The following CWH43 variants were observed in gnomAD, a reference collection of about 807,000 sequenced individuals.
The protein encoded by CWH43 is cell wall biogenesis 43 C-terminal homolog.
A neutral mutation model predicts 85.7 loss-of-function variants in CWH43; 91 were observed. The ratio of observed to expected loss-of-function variants is 1.06; its 90% CI spans 0.90 to 1.26. CWH43 has a LOEUF of 1.26. Ranked by LOEUF, CWH43 falls within the 50% of genes most tolerant of loss-of-function variation. The probability of loss-of-function intolerance (pLI) is 0.00; values close to 1 mark genes in which losing one functional copy is unlikely to be tolerated. For missense variants in CWH43, 869 were observed against 839.2 expected, an observed-to-expected ratio of 1.04 and a Z score of -0.44; for synonymous variants, 323 against 293.6, an observed-to-expected ratio of 1.10 and a Z score of -1.02.
chr4:49,048,278 T>TTATATATATATACACACTCTGTGTGTG (rs1188585472), intron 14 of CWH43, among the ~76,000 whole-genome samples: 12 of 151,224 alleles, frequency 7.9e-5, no homozygotes, highest in Admixed American at 1.3e-4. Flanking sequence ...ATGGCAGAGT[T>TTATATATATATACACACTCTGTGTGTG]TATATATATA....
chr4:49,028,568 G>C (rs977171984), intron 9 of CWH43, 61 bp from the exon 10 acceptor site: 1 of 1,109,860 alleles, frequency 9.0e-7, no homozygotes, highest in Non-Finnish European at 1.3e-6. Flanking sequence ...GGAGAAAAGT[G>C]GGTCACTGAA....
chr4:48,986,421 G>A lies in CWH43; in HGVS notation c.-9G>A. ...GCTTTCCTGGAAAGCGCTGCCCCTC[G>A]CCGCGGCGATGCCCTCGCTGTGGAG... On this transcript the variant is annotated 5_prime_UTR_variant, in exon 1 of 16. Transcript: ENST00000226432. 5 of 1,543,872 alleles carry A rather than the reference G, an allele frequency of 3.2e-6. No individual in the cohort carries two copies. Among genetic ancestry groups the A allele is most frequent in the Non-Finnish European group, 4.4e-6 (5 of 1,140,130 alleles).
intron 15 of CWH43, among the ~76,000 whole-genome samples, chr4:49,055,878 T>A (rs1339944293): frequency 6.6e-6 from 1 of 151,962 alleles, no homozygotes; most frequent in Non-Finnish European, 1.5e-5. Context: ...ATTACAGGCA[T>A]GAGCCACTAT....
chr4:49,000,598 GT>G (rs1369283791), intron 6 of CWH43, among the ~76,000 whole-genome samples: 1 of 152,168 alleles, frequency 6.6e-6, no homozygotes, highest in Non-Finnish European at 1.5e-5. Context: ...TTGAGCGTTT[GT>G]TCAGCATTTA....
chr4:49,009,706 A>G (rs1335543120), intron 8 of CWH43, among the ~76,000 whole-genome samples: 1 of 152,188 alleles, frequency 6.6e-6, no homozygotes, highest in Non-Finnish European at 1.5e-5. Flanking sequence ...ATTTTGTCGA[A>G]GGCCTTTTCT....
chr4:49,016,980 A>G, intron 8 of CWH43: 1 of 780,928 alleles, frequency 1.3e-6, no homozygotes, highest in East Asian at 2.4e-5. Context: ...AGGCACAGCA[A>G]TCTTGGGATC....
At position 49,020,461 on chromosome 4, in the gene CWH43, A is replaced by T. The variant is rs549217671; in HGVS notation, c.1266+3133A>T. ...ATTTTCTTTATCCACTTGTTGATTG[A>T]TGGGCATTTGGGCTGGTACTATATT... On this transcript the variant is annotated intron_variant, in intron 9 of 15. Transcript: ENST00000226432. 4.7e-5 allele frequency among the ~76,000 whole-genome samples: 7 copies of T among 150,224 alleles called. No individual in the cohort carries two copies. The Admixed American group carries it at 4.7e-4, about 10-fold the overall frequency.
At chr4:49,023,379 ATT>A (rs1019343236) in intron 9 of CWH43, among the ~76,000 whole-genome samples, 1 of 151,784 alleles carries the variant, frequency 6.6e-6, no homozygotes, top group African/African-American at 2.4e-5. Flanking sequence ...TCCAATTTTT[ATT>A]TTTATTTTTT....
At chr4:49,044,973 T>C in intron 14 of CWH43, 126 bp downstream of exon 14, 1 of 690,688 alleles carries the variant, frequency 1.4e-6, no homozygotes, top group Non-Finnish European at 2.5e-6. Flanking sequence ...AAGCAATCAA[T>C]GTTTATAAAC....
chr4:49,057,728 A>C (rs1281961889), intron 15 of CWH43, among the ~76,000 whole-genome samples: 1 of 152,136 alleles, frequency 6.6e-6, no homozygotes, highest in Non-Finnish European at 1.5e-5. Context: ...GTCCCCTACT[A>C]CTATTGTATT....
intron 14 of CWH43, among the ~76,000 whole-genome samples, chr4:49,049,754 G>A (rs572536912): frequency 1.1e-4 from 17 of 152,006 alleles, no homozygotes; most frequent in East Asian, 5.8e-4. Flanking sequence ...CCCTCCCTTC[G>A]TTGAATTTTT....
chr4:48,994,635 A>G lies in CWH43; in HGVS notation c.528A>G (p.Lys176=). 6.2e-7 allele frequency: 1 copy of G among 1,612,922 alleles called. No individual in the cohort carries two copies. The highest frequency in any genetic ancestry group is 8.5e-7 in the Non-Finnish European group (1 of 1,179,736). Residue 176 remains lysine (K), a synonymous_variant, in exon 5 of 16, where the codon AAA becomes AAG. Transcript: ENST00000226432. ...DRIGTDGDCS[K]PEEKKTGEVA... Reference sequence around the variant, plus strand: ...AAATTCTAGATGGTGACTGCAGTAAACCTGAAGAAAAGAAGACTGGTGAGG... The same window carrying G: ...AAATTCTAGATGGTGACTGCAGTAAGCCTGAAGAAAAGAAGACTGGTGAGG...
Position 49,003,784 on chromosome 4 carries a change from T to G in CWH43, c.852T>G (p.Ala284=). The change falls in exon 7 of 16, where the codon GCT becomes GCG. Residue 284 remains alanine, a synonymous_variant. Coordinates refer to ENST00000226432, the MANE Select transcript of CWH43 (RefSeq NM_025087.3). ...GLLYLHTWAA[A]VSGCVFAIFT... is the part of the protein sequence containing the mutation. ...TTTACCTGCACACATGGGCAGCTGC[T>G]GTGTCTGGCTGTGTCTTCGCCATCT... 6.2e-7 allele frequency: 1 copy of G among 1,614,006 alleles called. No individual in the cohort carries two copies.
chr4:49,052,957 C>A (rs1270274611), intron 15 of CWH43, among the ~76,000 whole-genome samples: 1 of 152,148 alleles, frequency 6.6e-6, no homozygotes, highest in Non-Finnish European at 1.5e-5. Flanking sequence ...TCTCCCCCAG[C>A]CCCTGCCAAC....
At chr4:49,031,084 A>G (rs1784082139) in intron 11 of CWH43, 124 bp downstream of exon 11, 2 of 902,820 alleles carry the variant, frequency 2.2e-6, no homozygotes. Flanking sequence ...TTCTTGGGGG[A>G]TGAGGAGGTG....
intron 9 of CWH43, 146 bp downstream of exon 9, chr4:49,017,474 TAA>T: frequency 1.8e-6 from 1 of 541,374 alleles, no homozygotes; most frequent in Non-Finnish European, 3.2e-6. Flanking sequence ...GCCAGACTGA[TAA>T]GATAGTGGGA....
chr4:48,994,800 G>A lies in CWH43; in HGVS notation c.693G>A (p.Gly231=), dbSNP rs369636597. 132 of 1,613,776 alleles carry A rather than the reference G, an allele frequency of 8.2e-5. No individual in the cohort carries two copies. The highest frequency in any genetic ancestry group is 9.6e-5 in the Non-Finnish European group (113 of 1,180,024). Residue 231 remains glycine (G), a synonymous_variant, in exon 5 of 16, where the codon GGG becomes GGA. Transcript: ENST00000226432. ...CAGTGAGTGGGCATCCACATCCAGG[G>A]CCAGATCCTAACCCATTTGGGTGAG... ...RWAVSGHPHP[G]PDPNPFGGAV...
intron 9 of CWH43, among the ~76,000 whole-genome samples, chr4:49,024,034 GT>G (rs1280811249): frequency 6.6e-6 from 1 of 152,102 alleles, no homozygotes; most frequent in Non-Finnish European, 1.5e-5. Context: ...CCAGTGTTAG[GT>G]GCATATATAT....
chr4:49,046,014 C>T (rs1490480639), intron 14 of CWH43, among the ~76,000 whole-genome samples: 1 of 152,176 alleles, frequency 6.6e-6, no homozygotes, highest in Non-Finnish European at 1.5e-5. Context: ...TCCCTTCTCC[C>T]TGTTCTCCCC....
Sources: gnomAD v4.1 joint callset for allele counts (sites outside exome capture counted in the v4.1 genomes callset) on GRCh38, gnomAD v4.1.1 for gene constraint, MANE v1.5 for transcripts, NCBI Gene and HGNC (gene_info 2026-07-23, HGNC 2026-07-21) for gene names.